The following MACF1 variants were observed in gnomAD, a reference collection of about 807,000 sequenced individuals.
MACF1 encodes microtubule actin crosslinking factor 1, also known as microtubule-actin cross-linking factor 1.
A neutral mutation model predicts 854.8 loss-of-function variants in MACF1; 193 were observed. The observed-to-expected ratio is 0.23, with a 90% confidence interval of 0.20 to 0.25. The LOEUF (loss-of-function observed/expected upper bound fraction) is 0.25, where lower values mean the gene tolerates loss of function less well. Among genes scored for constraint, MACF1 ranks in the 10% least tolerant of loss-of-function variants. The pLI is 1.00. For missense variants in MACF1, 7,722 were observed against 8,929.1 expected, an observed-to-expected ratio of 0.86 and a Z score of 5.45; for synonymous variants, 3,185 against 3,226.7, an observed-to-expected ratio of 0.99 and a Z score of 0.44.
rs10636583 is a variant in MACF1 at position 39,173,338 on chromosome 1, C to CA, written c.221-57828dup. Among the ~76,000 whole-genome samples the CA allele has an allele frequency of 3.4e-3, 345 of 100,982 alleles. 3 individuals carry two copies. The highest frequency in any genetic ancestry group is 5.4e-3 in the Admixed American group (50 of 9,256). 66.2% of individuals were successfully genotyped at this position (100,982 alleles called of 152,430 possible). On this transcript the variant is annotated intron_variant, in intron 2 of 93. Transcript: ENST00000361689. ...CTGGTGATGGAGCCAGACTCCATCTCAAAAAAAAAAAAAAAAGAAAGAAAG... is the reference window on the plus strand; with the variant it reads ...CTGGTGATGGAGCCAGACTCCATCTCAAAAAAAAAAAAAAAAAGAAAGAAAG...
intron 1 of MACF1, among the ~76,000 whole-genome samples, chr1:39,224,745 A>G (rs1644693134): frequency 6.6e-6 from 1 of 152,202 alleles, no homozygotes. Flanking sequence ...AAAGAGATCC[A>G]GATTTTAGGT....
chr1:39,293,383 C>T, intron 17 of MACF1, 75 bp from the exon 18 acceptor site: 1 of 1,272,890 alleles, frequency 7.9e-7, no homozygotes, highest in Non-Finnish European at 1.1e-6. Flanking sequence ...TTATTCTCTC[C>T]TTTGATGTCA....
At chr1:39,452,081 A>G in intron 85 of MACF1, 75 bp from the exon 86 acceptor site, 4 of 1,287,474 alleles carry the variant, frequency 3.1e-6, no homozygotes, top group Non-Finnish European at 4.3e-6. Context: ...CTACCAAGAA[A>G]ATTATTATTT....
In MACF1 at chr1:39,096,588, C is replaced by CAA. The variant is rs61542154; in HGVS notation, c.220+12166_220+12167dup. On this transcript the variant is annotated intron_variant, in intron 2 of 93. Transcript: ENST00000361689. ...TTGGTGACAGAGCAAGACTCTATCT[C>CAA]AAAAAAAAAAAAAAAAATCAGAAAG... Among the ~76,000 whole-genome samples the CAA allele has an allele frequency of 4.2e-3, 587 of 139,164 alleles. 9 individuals are homozygous for CAA. The highest frequency in any genetic ancestry group is 0.015 in the African/African-American group (563 of 36,890). 91.3% of individuals were successfully genotyped at this position (139,164 alleles called of 152,430 possible). A position where few individuals can be genotyped will look rare whatever the true frequency, so the allele number is the denominator to read the frequency against.
intron 84 of MACF1, among the ~76,000 whole-genome samples, chr1:39,449,093 G>C (rs1299373157): frequency 6.6e-6 from 1 of 152,150 alleles, no homozygotes; most frequent in East Asian, 1.9e-4. Context: ...GCCTCTACAT[G>C]CATTACCTCA....
intron 6 of MACF1, chr1:39,268,468 C>A: frequency 1.8e-6 from 2 of 1,110,074 alleles, no homozygotes; most frequent in Non-Finnish European, 2.2e-6. Flanking sequence ...CAGTGAGATG[C>A]TTTGAATTTG....
chr1:39,211,625 G>A (rs951132195), intron 1 of MACF1, among the ~76,000 whole-genome samples: 2 of 152,074 alleles, frequency 1.3e-5, no homozygotes, highest in Non-Finnish European at 2.9e-5. Flanking sequence ...GCTCACGCCT[G>A]TAATCCTGAC....
Position 39,453,637 on chromosome 1 carries a change from C to T in MACF1, c.20743-70C>T, listed in dbSNP as rs572852917. On this transcript the variant is annotated intron_variant, in intron 87 of 100. Coordinates refer to ENST00000564288, the MANE Select transcript of MACF1 (RefSeq NM_001394062.1). ...AAGAAAACATTGAAATTTATCCCCC[C>T]TCAGTGTAAACTAACAGTGCTGCTA... 6 of 1,344,272 alleles carry T rather than the reference C, an allele frequency of 4.5e-6. No individual in the cohort carries two copies. The South Asian group carries it at 5.9e-5, about 13-fold the overall frequency. 83.3% of individuals were successfully genotyped at this position (1,344,272 alleles called of 1,614,324 possible). A position where few individuals can be genotyped will look rare whatever the true frequency, so the allele number is the denominator to read the frequency against.
chr1:39,100,837 G>C (rs1027260174), intron 2 of MACF1, among the ~76,000 whole-genome samples: 1 of 152,102 alleles, frequency 6.6e-6, no homozygotes, highest in African/African-American at 2.4e-5. Context: ...CTGGGTGACA[G>C]AGTGAGACTC....
intron 1 of MACF1, among the ~76,000 whole-genome samples, chr1:39,229,239 A>T (rs919198865): frequency 2.0e-5 from 3 of 152,234 alleles, no homozygotes; most frequent in African/African-American, 7.2e-5. Context: ...GCTGTAGTTT[A>T]TAGTAGGAAG....
chr1:39,095,675 G>A (rs1641919587), intron 2 of MACF1, among the ~76,000 whole-genome samples: 1 of 149,980 alleles, frequency 6.7e-6, no homozygotes, highest in Non-Finnish European at 1.5e-5. Flanking sequence ...GACACCAGAA[G>A]TTCAAGACCA....
rs558828480 is a variant in MACF1 at position 39,093,788 on chromosome 1, G to C, written c.220+9350G>C. 4.2e-5 allele frequency among the ~76,000 whole-genome samples: 6 copies of C among 143,856 alleles called. No homozygotes were observed. The South Asian group carries it at 1.3e-3, about 32-fold the overall frequency. 94.4% of individuals were successfully genotyped at this position (143,856 alleles called of 152,430 possible). On this transcript the variant is annotated intron_variant, in intron 2 of 93. Coordinates refer to the MACF1 transcript ENST00000361689. The stretch of plus-strand genomic sequence containing the variant: ...TGTGAGCCATCACGCCCGGCCAAGG[G>C]ATTCTTTTCTTTTTTTTGAGACGGA...
At chr1:39,320,589 G>A (rs937962592) in intron 31 of MACF1, among the ~76,000 whole-genome samples, 2 of 152,100 alleles carry the variant, frequency 1.3e-5, no homozygotes, top group African/African-American at 2.4e-5. Context: ...TATCATAGTC[G>A]TAATAAAATT....
intron 23 of MACF1, among the ~76,000 whole-genome samples, chr1:39,303,461 G>A (rs1646092711): frequency 6.6e-6 from 1 of 151,940 alleles, no homozygotes; most frequent in African/African-American, 2.4e-5. Flanking sequence ...TTAGGCATGA[G>A]AATTGCTTGA....
At chr1:39,168,827 G>C (rs1170722088) in intron 2 of MACF1, among the ~76,000 whole-genome samples, 1 of 152,002 alleles carries the variant, frequency 6.6e-6, no homozygotes, top group African/African-American at 2.4e-5. Context: ...GGGGGTCTCT[G>C]TGTGTTGTAC....
chr1:39,160,824 C>T (rs956318336), intron 2 of MACF1, among the ~76,000 whole-genome samples: 1 of 152,198 alleles, frequency 6.6e-6, no homozygotes, highest in African/African-American at 2.4e-5. Flanking sequence ...CCCACTGTGC[C>T]CCCTGATTAA....
rs527358256 is a variant in MACF1, at chr1:39,333,897, C to T, written c.7309C>T (p.Pro2437Ser). ...TLGLVDVADQ[P>S]ELINLEKASK... The stretch of plus-strand genomic sequence containing the variant: ...TGGCTTGGTGGACGTTGCTGACCAG[C>T]CAGAACTTATAAATCTGGAGAAAGC... Residue 2437 changes from proline to serine, a missense_variant, in exon 37 of 101, where the codon CCA becomes TCA. Around this residue, in one of 15 missense-constraint regions of MACF1, gnomAD observed 1,531 missense variants for 1,601.6 expected, o/e 0.96. Coordinates refer to ENST00000564288, the MANE Select transcript of MACF1 (RefSeq NM_001394062.1). The T allele has an allele frequency of 6.2e-7, 1 of 1,614,084 alleles. No homozygotes were observed. The highest frequency in any genetic ancestry group is 1.1e-5 in the South Asian group (1 of 91,082).
At chr1:39,367,001 G>A (rs1648776487) in intron 49 of MACF1, among the ~76,000 whole-genome samples, 1 of 137,858 alleles carries the variant, frequency 7.3e-6, no homozygotes, top group Non-Finnish European at 1.5e-5. Context: ...AGGCTGGAGT[G>A]CAGTGGCACA....
At chr1:39,434,089 T>C (rs145336054) in intron 68 of MACF1, among the ~76,000 whole-genome samples, 1 of 151,972 alleles carries the variant, frequency 6.6e-6, no homozygotes, top group East Asian at 1.9e-4. Flanking sequence ...CAAAAACATA[T>C]ATAATAATAA....
Sources: allele counts gnomAD v4.1 joint callset (sites outside exome capture counted in the v4.1 genomes callset), GRCh38; gene constraint gnomAD v4.1.1; regional missense constraint gnomAD v4.1.1; transcripts MANE v1.5; gene names NCBI Gene and HGNC (gene_info 2026-07-23, HGNC 2026-07-21).